FRYL: variants seen among roughly 807,000 people sequenced by gnomAD.
FRYL encodes protein furry homolog-like.
A neutral mutation model predicts 351.2 loss-of-function variants in FRYL; 150 were observed. The ratio of observed to expected loss-of-function variants is 0.43; its 90% CI spans 0.37 to 0.49. The LOEUF (loss-of-function observed/expected upper bound fraction) is 0.49. Among genes scored for constraint, FRYL ranks in the 20% least tolerant of loss-of-function variants. The pLI is 0.00. For missense variants in FRYL, 3,036 were observed against 3,619.3 expected (o/e 0.84, Z 4.13); for synonymous variants, 1,153 against 1,257.1 (o/e 0.92, Z 1.75).
chr4:48,611,177 TA>T (rs1748101621), intron 7 of FRYL, among the ~76,000 whole-genome samples: 1 of 152,106 alleles, frequency 6.6e-6, no homozygotes, highest in Admixed American at 6.6e-5. Flanking sequence ...TATTTGCATA[TA>T]ACACTACATA....
At chr4:48,598,206 A>G (rs1317472112) in intron 13 of FRYL, among the ~76,000 whole-genome samples, 1 of 152,216 alleles carries the variant, frequency 6.6e-6, no homozygotes, top group Non-Finnish European at 1.5e-5. Flanking sequence ...CTCTGAAAAA[A>G]TTAAAACAAA....
chr4:48,640,226 T>C (rs1454923994), intron 3 of FRYL, among the ~76,000 whole-genome samples: 1 of 152,182 alleles, frequency 6.6e-6, no homozygotes, highest in Non-Finnish European at 1.5e-5. Flanking sequence ...AGCAGCTTTA[T>C]TCATAATTGT....
intron 1 of FRYL, among the ~76,000 whole-genome samples, chr4:48,730,945 C>T (rs1770650811): frequency 6.6e-6 from 1 of 152,058 alleles, no homozygotes; most frequent in South Asian, 2.1e-4. Flanking sequence ...AGAGTCAAGA[C>T]CCCTCAGTGT....
At chr4:48,697,097 T>A (rs1488456694) in intron 2 of FRYL, among the ~76,000 whole-genome samples, 1 of 152,156 alleles carries the variant, frequency 6.6e-6, no homozygotes, top group Non-Finnish European at 1.5e-5. Context: ...ATCGAAGACT[T>A]GGAATTTTAA....
chr4:48,760,914 G>C (rs1320064993), intron 1 of FRYL, among the ~76,000 whole-genome samples: 1 of 151,960 alleles, frequency 6.6e-6, no homozygotes, highest in Non-Finnish European at 1.5e-5. Flanking sequence ...CTGGCCTCAA[G>C]TGATCCACCT....
chr4:48,557,806 T>A, intron 33 of FRYL, 94 bp from the exon 34 acceptor site: 1 of 1,354,846 alleles, frequency 7.4e-7, no homozygotes, highest in Non-Finnish European at 1.0e-6. Context: ...CAGATTTTAT[T>A]CATTTTACTC....
At chr4:48,672,292 T>C (rs1213836139) in intron 3 of FRYL, among the ~76,000 whole-genome samples, 2 of 152,168 alleles carry the variant, frequency 1.3e-5, no homozygotes, top group African/African-American at 4.8e-5. Context: ...CTCCTTCCTT[T>C]CTCAACATTT....
At chr4:48,751,838 AT>A (rs11413230) in intron 1 of FRYL, among the ~76,000 whole-genome samples, 19 of 145,498 alleles carry the variant, frequency 1.3e-4, no homozygotes, top group Middle Eastern at 3.5e-3. Flanking sequence ...AAGAGATTCA[AT>A]TTTTTTTTTT....
intron 1 of FRYL, among the ~76,000 whole-genome samples, chr4:48,732,092 A>C (rs1187197572): frequency 6.6e-6 from 1 of 152,228 alleles, no homozygotes; most frequent in Non-Finnish European, 1.5e-5. Flanking sequence ...AAAAGCAAAC[A>C]ACCCCATCAA....
chr4:48,534,483 T>C, intron 49 of FRYL, 62 bp downstream of exon 49: 1 of 1,272,522 alleles, frequency 7.9e-7, no homozygotes, highest in South Asian at 1.3e-5. Flanking sequence ...ATTTCCAATA[T>C]TGTGTGATTA....
intron 7 of FRYL, among the ~76,000 whole-genome samples, chr4:48,617,133 T>G (rs1749644500): frequency 6.6e-6 from 1 of 152,096 alleles, no homozygotes. Context: ...TGCATTTAAA[T>G]TAGCGTATGG....
Position 48,540,737 on chromosome 4 carries a change from T to C in FRYL, c.5911A>G (p.Ser1971Gly). The change falls in exon 46 of 64, where the codon AGT (serine) becomes GGT (glycine). Residue 1971 changes from serine to glycine, a missense_variant. This residue lies in a region of FRYL where 1,987 missense variants were observed against 2,311.7 expected (regional missense o/e 0.86). Transcript: ENST00000358350. ...AGGCTTCTAGTCCTTGCTAAACTAC[T>C]GCTATGGTTTATCCGTCCATCCATT... ...DIMDGRINHSSSLARTRSLSS... is the reference protein window; with the variant it reads ...DIMDGRINHSGSLARTRSLSS... The C allele has an allele frequency of 6.2e-7, 1 of 1,614,060 alleles. No individual in the cohort carries two copies. The highest frequency in any genetic ancestry group is 8.5e-7 in the Non-Finnish European group (1 of 1,179,918).
chr4:48,571,676 T>C, intron 26 of FRYL: 1 of 985,212 alleles, frequency 1.0e-6, no homozygotes, highest in Non-Finnish European at 1.2e-6. Flanking sequence ...TAATGACTAA[T>C]CAATTACATT....
rs1262029958 is a variant in FRYL, at chr4:48,544,095, C to T, written c.5402-98G>A. On this transcript the variant is annotated intron_variant, in intron 43 of 63. Coordinates refer to ENST00000358350, the MANE Select transcript of FRYL (RefSeq NM_015030.2). Reference sequence around the variant, plus strand: ...ATCATCTTAAAGCTAGCAGCTAGCACACTTCCTGGCTCTCACATTTTATAA... The same window carrying T: ...ATCATCTTAAAGCTAGCAGCTAGCATACTTCCTGGCTCTCACATTTTATAA... 28 of 951,242 alleles carry T rather than the reference C, an allele frequency of 2.9e-5. No homozygotes were observed. In the East Asian group the frequency reaches 5.1e-4, roughly 17 times the overall value. 58.9% of individuals were successfully genotyped at this position (951,242 alleles called of 1,614,324 possible). A position where few individuals can be genotyped will look rare whatever the true frequency, so the allele number is the denominator to read the frequency against.
At chr4:48,684,294 T>C (rs551384583) in intron 3 of FRYL, among the ~76,000 whole-genome samples, 4 of 152,298 alleles carry the variant, frequency 2.6e-5, no homozygotes, top group African/African-American at 9.6e-5. Context: ...CTGTGTAGGG[T>C]AGGCCAAACC....
At chr4:48,706,553 G>C (rs1767374094) in intron 2 of FRYL, among the ~76,000 whole-genome samples, 1 of 152,206 alleles carries the variant, frequency 6.6e-6, no homozygotes, top group Non-Finnish European at 1.5e-5. Flanking sequence ...GAAAGTTCTG[G>C]AGATGCATGA....
chr4:48,576,507 T>C (rs994930854), intron 23 of FRYL, among the ~76,000 whole-genome samples: 57 of 152,192 alleles, frequency 3.7e-4, no homozygotes, highest in African/African-American at 1.2e-3. Context: ...GGTTTCGTCA[T>C]GTTGCCCAGG....
intron 1 of FRYL, among the ~76,000 whole-genome samples, chr4:48,729,392 C>G (rs1047894444): frequency 6.6e-6 from 1 of 152,208 alleles, no homozygotes; most frequent in Non-Finnish European, 1.5e-5. Flanking sequence ...GCTGTTCTCC[C>G]AGCACGGTGT....
chr4:48,519,148 T>C (rs1724329956), intron 55 of FRYL, among the ~76,000 whole-genome samples: 2 of 152,164 alleles, frequency 1.3e-5, no homozygotes, highest in African/African-American at 2.4e-5. Flanking sequence ...GTGTGGCATA[T>C]AGGACTTCTC....
Sources: gnomAD v4.1 joint callset for allele counts (sites outside exome capture counted in the v4.1 genomes callset) on GRCh38, gnomAD v4.1.1 for gene constraint, gnomAD v4.1.1 regional missense constraint, MANE v1.5 for transcripts, NCBI Gene and HGNC (gene_info 2026-07-23, HGNC 2026-07-21) for gene names.